The following NUP88 variants were observed in gnomAD, a reference collection of about 807,000 sequenced individuals.
The protein encoded by NUP88 is nuclear pore complex protein Nup88.
A neutral mutation model predicts 93.9 loss-of-function variants in NUP88; 57 were observed. The ratio of observed to expected loss-of-function variants is 0.61; its 90% CI spans 0.49 to 0.76. The LOEUF (loss-of-function observed/expected upper bound fraction) is 0.76. Ranked by LOEUF, NUP88 falls within the 30% of genes least tolerant of loss-of-function variation. The pLI is 0.00. For synonymous variants in NUP88, 346 were observed against 336.8 expected (o/e 1.03, Z -0.30); for missense variants, 911 against 901.0 (o/e 1.01, Z -0.14).
chr17:5,389,057 A>C (rs1443930303), intron 10 of NUP88, 97 bp from the exon 11 acceptor site: 1 of 920,678 alleles, frequency 1.1e-6, no homozygotes, highest in East Asian at 2.9e-5. Context: ...TCAGAATATA[A>C]AATAAAGTGT....
intron 11 of NUP88, 128 bp from the exon 12 acceptor site, chr17:5,388,032 G>A (rs571411606): frequency 5.0e-4 from 481 of 955,912 alleles, no homozygotes; most frequent in African/African-American, 8.8e-4. Flanking sequence ...ATGCAGTCTC[G>A]CTCTGTCACC....
Position 5,388,532 on chromosome 17 carries a change from C to T in NUP88, c.1643+270G>A, listed in dbSNP as rs528116826. 1.6e-4 allele frequency: 44 copies of T among 275,666 alleles called. 1 individual carries two copies. In the South Asian group the frequency reaches 2.4e-3, roughly 15 times the overall value. 17.1% of individuals were successfully genotyped at this position (275,666 alleles called of 1,614,324 possible). A position where few individuals can be genotyped will look rare whatever the true frequency, so the allele number is the denominator to read the frequency against. On this transcript the variant is annotated intron_variant, in intron 11 of 16. Transcript: ENST00000573584. ...CTCGATCTCCTGACCTCGCGATTCA[C>T]CCGTCTTGGTCTCCCAAAGTGCTGA... is the stretch of plus-strand genomic sequence containing the variant.
In NUP88 at chr17:5,411,874, A is replaced by G. The variant is rs1001269287; in HGVS notation, c.594-1085T>C. 3.9e-5 allele frequency among the ~76,000 whole-genome samples: 6 copies of G among 152,232 alleles called. No homozygotes were observed. In the East Asian group the frequency reaches 5.8e-4, roughly 15 times the overall value. On this transcript the variant is annotated intron_variant, in intron 3 of 16. Transcript: ENST00000573584. Reference sequence around the variant, plus strand: ...ACATTAAGTATTTAATAAATTTTTAATGATAACTTGATCCATTTGAATACA... The same window carrying G: ...ACATTAAGTATTTAATAAATTTTTAGTGATAACTTGATCCATTTGAATACA...
chr17:5,398,463 A>G (rs969561578), intron 8 of NUP88, among the ~76,000 whole-genome samples: 1 of 151,338 alleles, frequency 6.6e-6, no homozygotes, highest in African/African-American at 2.4e-5. Context: ...TAATTTTTGT[A>G]TTTTTAGTAG....
chr17:5,404,253 A>G lies in NUP88; in HGVS notation c.1045-7T>C. On this transcript the variant is annotated splice_region_variant and splice_polypyrimidine_tract_variant and intron_variant, in intron 6 of 16. Coordinates refer to ENST00000573584, the MANE Select transcript of NUP88 (RefSeq NM_002532.6). The stretch of plus-strand genomic sequence containing the variant: ...AATCCCAGGACTTTTCTGACTGTAA[A>G]AAAAAGTGTTGTAATTTTGATCTTG... The G allele has an allele frequency of 6.2e-7, 1 of 1,609,906 alleles. No individual in the cohort carries two copies.
intron 11 of NUP88, chr17:5,388,287 C>CACCGTG (rs1912178872): frequency 6.1e-6 from 1 of 162,952 alleles, no homozygotes; most frequent in Non-Finnish European, 1.3e-5. Context: ...AGCTGTAAGC[C>CACCGTG]ACCGTGCCCA....
chr17:5,416,617 ATGT>A lies in NUP88; in HGVS notation c.360_362del (p.Gln120del). The A allele has an allele frequency of 6.2e-7, 1 of 1,612,644 alleles. No homozygotes were observed. The highest frequency in any genetic ancestry group is 1.7e-5 in the Admixed American group (1 of 59,860). On this transcript the variant is annotated inframe_deletion, in exon 2 of 17. Coordinates refer to ENST00000573584, the MANE Select transcript of NUP88 (RefSeq NM_002532.6). ...CTTTTATTCCTATAAGTGCTACATGATGTTGTGTTGGGCTTAACAAGACTTGAT... is the reference window on the plus strand; with the variant it reads ...CTTTTATTCCTATAAGTGCTACATGATGTGTTGGGCTTAACAAGACTTGAT...
rs1446819220 is a variant in NUP88, at chr17:5,391,634, T to C, written c.1411A>G (p.Ile471Val). Reference protein sequence around the residue: ...RQPAPIRGFWIVPDILGPTMI... With the variant: ...RQPAPIRGFWVVPDILGPTMI... The stretch of plus-strand genomic sequence containing the variant: ...GTGGGTCCCAGAATGTCAGGTACAA[T>C]CCAAAATCCTCGAATTGGAGCTGGC... The change falls in exon 10 of 17, where the codon ATT becomes GTT. Residue 471 changes from isoleucine to valine, a missense_variant. Coordinates refer to ENST00000573584, the MANE Select transcript of NUP88 (RefSeq NM_002532.6). 2 of 1,614,004 alleles carry C rather than the reference T, an allele frequency of 1.2e-6. No individual in the cohort carries two copies. The highest frequency in any genetic ancestry group is 3.3e-5 in the Admixed American group (2 of 60,018).
At position 5,419,627 on chromosome 17, in the gene NUP88, C is replaced by A. The variant is rs372826283; in HGVS notation, c.24G>T (p.Val8=). The change falls in exon 1 of 17, where the codon GTG becomes GTT. Residue 8 remains valine, a synonymous_variant. Transcript: ENST00000573584. MAAAEGP[V]GDGELWQTWL... ...AGGTCTGCCACAGCTCGCCGTCGCC[C>A]ACCGGTCCCTCGGCGGCCGCCATCT... The A allele has an allele frequency of 1.4e-5, 23 of 1,594,430 alleles. No homozygotes were observed. Among genetic ancestry groups the A allele is most frequent in the Admixed American group, 3.3e-5 (2 of 59,734 alleles).
Position 5,387,809 on chromosome 17 carries a change from T to C in NUP88, c.1739A>G (p.Gln580Arg). The change falls in exon 12 of 17, where the codon CAG (glutamine) becomes CGG (arginine). Residue 580 changes from glutamine to arginine, a missense_variant. Gln to Arg is a conservative substitution (Grantham distance 43). Coordinates refer to ENST00000573584, the MANE Select transcript of NUP88 (RefSeq NM_002532.6). ...CTGAATCTCCTCCTTTGCCAAGTCC[T>C]GTTTGAGAATGTACTGCTCTCTGAA... ...QVFREQYILKQDLAKEEIQRR... is the reference protein window; with the variant it reads ...QVFREQYILKRDLAKEEIQRR... 6.2e-7 allele frequency: 1 copy of C among 1,612,946 alleles called. No individual in the cohort carries two copies. Among genetic ancestry groups the C allele is most frequent in the South Asian group, 1.1e-5 (1 of 90,782 alleles).
chr17:5,414,071 T>TGCA lies in NUP88; in HGVS notation c.528_530dup (p.Ala177dup). 6.2e-7 allele frequency: 1 copy of TGCA among 1,613,862 alleles called. No individual in the cohort carries two copies. The highest frequency in any genetic ancestry group is 1.1e-5 in the South Asian group (1 of 91,076). On this transcript the variant is annotated inframe_insertion, in exon 3 of 17. Transcript: ENST00000573584. ...GATCCAGGATTTCACTTGGATACCATGCAGCATGCTTTAGAGTCAGAGAGG... is the reference window on the plus strand; with the variant it reads ...GATCCAGGATTTCACTTGGATACCATGCAGCAGCATGCTTTAGAGTCAGAGAGG...
At chr17:5,397,068 G>A (rs933926652) in intron 8 of NUP88, among the ~76,000 whole-genome samples, 3 of 151,970 alleles carry the variant, frequency 2.0e-5, no homozygotes, top group African/African-American at 4.8e-5. Context: ...GGCCAGGTGC[G>A]GTGGATCACA....
chr17:5,386,402 G>A (rs1397909331), intron 16 of NUP88, 133 bp from the exon 17 acceptor site: 20 of 737,866 alleles, frequency 2.7e-5, no homozygotes, highest in Non-Finnish European at 4.1e-5. Flanking sequence ...GGTTTCAGGT[G>A]GATAGCAATA....
rs1567577506 is a variant in NUP88 at position 5,413,995 on chromosome 17, G to A, written c.593+14C>T. The A allele has an allele frequency of 6.2e-7, 1 of 1,612,644 alleles. No homozygotes were observed. Among genetic ancestry groups the A allele is most frequent in the Non-Finnish European group, 8.5e-7 (1 of 1,179,014 alleles). On this transcript the variant is annotated intron_variant, in intron 3 of 16. Transcript: ENST00000573584. The stretch of plus-strand genomic sequence containing the variant: ...CCCACTCGCAAGGCTTCAAGAGAGA[G>A]AAATAAAATTTACCTGATTACGTTG...
At position 5,395,398 on chromosome 17, in the gene NUP88, C is replaced by G. The variant is rs116343310; in HGVS notation, c.1292-417G>C. Among the ~76,000 whole-genome samples, 1,424 of 152,204 alleles carry G rather than the reference C, an allele frequency of 9.4e-3. 31 individuals are homozygous for G. Among genetic ancestry groups the G allele is most frequent in the African/African-American group, 0.031 (1,303 of 41,522 alleles). On this transcript the variant is annotated intron_variant, in intron 8 of 16. Transcript: ENST00000573584. ...ATCTCTTATCTGAAAATCTAAAATC[C>G]TAAATGCTCCAATGAGCATTTCTGT...
chr17:5,411,239 C>G (rs1913822788), intron 3 of NUP88, among the ~76,000 whole-genome samples: 1 of 152,074 alleles, frequency 6.6e-6, no homozygotes, highest in Admixed American at 6.6e-5. Flanking sequence ...GATATTTAGC[C>G]TGCAAATCTA....
chr17:5,416,180 T>TATATATATATATATAC (rs1374990658), intron 2 of NUP88, among the ~76,000 whole-genome samples: 1 of 107,334 alleles, frequency 9.3e-6, no homozygotes, highest in African/African-American at 3.6e-5. Flanking sequence ...TATATATATA[T>TATATATATATATATAC]ACACACATAC....
At chr17:5,403,160 A>G (rs1389757893) in intron 7 of NUP88, among the ~76,000 whole-genome samples, 2 of 152,126 alleles carry the variant, frequency 1.3e-5, no homozygotes, top group Admixed American at 1.3e-4. Flanking sequence ...CCTGGCCAAC[A>G]TGGTGAAATC....
At chr17:5,396,209 C>G (rs1912767432) in intron 8 of NUP88, among the ~76,000 whole-genome samples, 1 of 151,598 alleles carries the variant, frequency 6.6e-6, no homozygotes, top group Non-Finnish European at 1.5e-5. Context: ...GAAACTCCGT[C>G]TAAAAAAAAA....
Sources: gnomAD v4.1 joint callset for allele counts (sites outside exome capture counted in the v4.1 genomes callset) on GRCh38, gnomAD v4.1.1 for gene constraint, MANE v1.5 for transcripts, NCBI Gene and HGNC (gene_info 2026-07-23, HGNC 2026-07-21) for gene names.